The following ATP8A2 variants were observed in gnomAD, a reference collection of about 807,000 sequenced individuals.
ATP8A2 encodes ATPase phospholipid transporting 8A2, also known as phospholipid-transporting ATPase IB.
In ATP8A2, 100 loss-of-function variants were observed where a neutral mutation model predicts 165.6. The ratio of observed to expected loss-of-function variants is 0.60; its 90% CI spans 0.51 to 0.71. ATP8A2 has a LOEUF of 0.71. Ranked by LOEUF, ATP8A2 falls within the 30% of genes least tolerant of loss-of-function variation. ATP8A2 has a pLI of 0.00. For synonymous variants in ATP8A2, 543 were observed against 548.8 expected, an observed-to-expected ratio of 0.99 and a Z score of 0.15; for missense variants, 1,227 against 1,479.5, an observed-to-expected ratio of 0.83 and a Z score of 2.80.
chr13:25,430,002 A>C (rs2138142142), intron 1 of ATP8A2, among the ~76,000 whole-genome samples: 1 of 152,350 alleles, frequency 6.6e-6, no homozygotes, highest in South Asian at 2.1e-4. Flanking sequence ...TTTAGGAGCC[A>C]GCAATCACAG....
intron 33 of ATP8A2, among the ~76,000 whole-genome samples, chr13:25,895,976 A>G (rs1453721448): frequency 1.3e-5 from 2 of 152,072 alleles, no homozygotes; most frequent in Admixed American, 1.3e-4. Context: ...GATCTTTTCA[A>G]AAAACCAGCT....
At chr13:25,553,482 G>T (rs1460675392) in intron 11 of ATP8A2, among the ~76,000 whole-genome samples, 2 of 152,052 alleles carry the variant, frequency 1.3e-5, no homozygotes, top group Non-Finnish European at 2.9e-5. Context: ...TTTCAAGTTT[G>T]CTTCTTTTCT....
intron 33 of ATP8A2, among the ~76,000 whole-genome samples, chr13:25,945,385 G>A (rs578060092): frequency 2.0e-5 from 3 of 152,184 alleles, no homozygotes; most frequent in Non-Finnish European, 2.9e-5. Flanking sequence ...AGGAAGGCAC[G>A]TTAATGGTGG....
intron 24 of ATP8A2, among the ~76,000 whole-genome samples, chr13:25,656,439 C>A (rs1407120789): frequency 6.6e-6 from 1 of 151,840 alleles, no homozygotes; most frequent in Non-Finnish European, 1.5e-5. Context: ...TGATGCCCGG[C>A]TAATTTTTGT....
At chr13:25,869,782 G>A (rs952135882) in intron 33 of ATP8A2, among the ~76,000 whole-genome samples, 1 of 152,208 alleles carries the variant, frequency 6.6e-6, no homozygotes, top group African/African-American at 2.4e-5. Context: ...AGATGGGCAG[G>A]CTGTGGGGTT....
At chr13:25,960,435 TCTCC>T (rs1290194650) in intron 33 of ATP8A2, among the ~76,000 whole-genome samples, 1 of 152,078 alleles carries the variant, frequency 6.6e-6, no homozygotes, top group African/African-American at 2.4e-5. Context: ...GGCCCTCTGC[TCTCC>T]CTCCCTCTGT....
chr13:25,465,711 C>CT (rs371309676), intron 1 of ATP8A2, among the ~76,000 whole-genome samples: 879 of 21,376 alleles, frequency 0.041, 70 homozygotes, highest in Non-Finnish European at 0.06. Context: ...TTCTTTCTTT[C>CT]TTTCTTTCTT....
At chr13:25,626,810 C>T (rs1237761421) in intron 24 of ATP8A2, among the ~76,000 whole-genome samples, 1 of 152,030 alleles carries the variant, frequency 6.6e-6, no homozygotes, top group Non-Finnish European at 1.5e-5. Flanking sequence ...GCTTCACAGT[C>T]AAGGCAGAGG....
intron 2 of ATP8A2, among the ~76,000 whole-genome samples, chr13:25,499,458 C>G (rs991685673): frequency 1.3e-5 from 2 of 152,170 alleles, no homozygotes; most frequent in African/African-American, 4.8e-5. Context: ...GGGGTTGAAT[C>G]TTGGTTTAGC....
At chr13:25,611,703 A>G (rs947504806) in intron 24 of ATP8A2, among the ~76,000 whole-genome samples, 1 of 152,042 alleles carries the variant, frequency 6.6e-6, no homozygotes, top group African/African-American at 2.4e-5. Context: ...AATTGTGTCA[A>G]TAGGATTGGT....
intron 17 of ATP8A2, among the ~76,000 whole-genome samples, chr13:25,571,404 C>T (rs1434377321): frequency 3.9e-5 from 6 of 152,190 alleles, no homozygotes; most frequent in Admixed American, 3.9e-4. Flanking sequence ...AGCATATATC[C>T]AAGCCTCCCA....
At chr13:25,561,639 A>G (rs2039158787) in intron 15 of ATP8A2, among the ~76,000 whole-genome samples, 1 of 152,160 alleles carries the variant, frequency 6.6e-6, no homozygotes, top group African/African-American at 2.4e-5. Context: ...TATGTGTAAC[A>G]TAATATTTAT....
At chr13:25,655,429 G>A (rs923865463) in intron 24 of ATP8A2, among the ~76,000 whole-genome samples, 4 of 152,228 alleles carry the variant, frequency 2.6e-5, no homozygotes, top group African/African-American at 9.6e-5. Flanking sequence ...AAAGTTTTGG[G>A]ATTACAGGCG....
At chr13:25,640,374 A>G (rs1441075129) in intron 24 of ATP8A2, among the ~76,000 whole-genome samples, 1 of 151,528 alleles carries the variant, frequency 6.6e-6, no homozygotes, top group Non-Finnish European at 1.5e-5. Context: ...AATAAAGAAG[A>G]AAAGAGAGAA....
chr13:25,538,065 A>G lies in ATP8A2; in HGVS notation c.581+4A>G. 1 of 1,612,928 alleles carries G rather than the reference A, an allele frequency of 6.2e-7. No individual in the cohort carries two copies. The highest frequency in any genetic ancestry group is 8.5e-7 in the Non-Finnish European group (1 of 1,179,014). On this transcript the variant is annotated splice_donor_region_variant and intron_variant, in intron 7 of 36. Transcript: ENST00000381655. ...ATGTGGTCCTGCTGTCATCCAGGTTAGCTGTGCTAGTAGGCACCTTTTTTG... is the reference window on the plus strand; with the variant it reads ...ATGTGGTCCTGCTGTCATCCAGGTTGGCTGTGCTAGTAGGCACCTTTTTTG...
At chr13:25,532,500 A>G (rs2038146680) in intron 5 of ATP8A2, among the ~76,000 whole-genome samples, 183 bp downstream of exon 5, 1 of 152,248 alleles carries the variant, frequency 6.6e-6, no homozygotes, top group East Asian at 1.9e-4. Context: ...TTAAGTTTGA[A>G]CAGCATTTGT....
chr13:25,592,412 T>A (rs377522912), intron 24 of ATP8A2, among the ~76,000 whole-genome samples: 1 of 152,204 alleles, frequency 6.6e-6, no homozygotes, highest in Admixed American at 6.5e-5. Context: ...TAAGAATTTC[T>A]ATTTAAAAGT....
chr13:25,611,772 T>C (rs2040694391), intron 24 of ATP8A2, among the ~76,000 whole-genome samples: 1 of 152,118 alleles, frequency 6.6e-6, no homozygotes, highest in Non-Finnish European at 1.5e-5. Flanking sequence ...CCTGGGCTTA[T>C]TTTTTGTTGG....
At chr13:25,435,973 AT>A (rs2034762619) in intron 1 of ATP8A2, among the ~76,000 whole-genome samples, 1 of 58,242 alleles carries the variant, frequency 1.7e-5, no homozygotes, top group African/African-American at 4.9e-5. Context: ...GTGTGTGTGT[AT>A]GTGTGTGTGA....
Sources: allele counts gnomAD v4.1 joint callset (sites outside exome capture counted in the v4.1 genomes callset), GRCh38; gene constraint gnomAD v4.1.1; transcripts MANE v1.5; gene names NCBI Gene and HGNC (gene_info 2026-07-23, HGNC 2026-07-21).